The following SMG6 variants were observed in gnomAD, a reference collection of about 807,000 sequenced individuals.
SMG6 encodes SMG6 nonsense mediated mRNA decay factor, also known as telomerase-binding protein EST1A.
SMG6 carries 66 observed loss-of-function variants against 142.2 expected under a neutral mutation model. That is an observed-to-expected ratio of 0.46 (90% confidence interval 0.38 to 0.57). The LOEUF is 0.57. Among genes scored for constraint, SMG6 ranks in the 20% least tolerant of loss-of-function variants. SMG6 has a pLI of 0.00. For synonymous variants in SMG6, 779 were observed against 702.4 expected (o/e 1.11, Z -1.72); for missense variants, 1,793 against 1,832.0 (o/e 0.98, Z 0.39).
At position 2,085,552 on chromosome 17, in the gene SMG6, G is replaced by T. The variant is rs1051102209; in HGVS notation, c.3534+173C>A. ...AGTGGAGTAGGATGGAGGCACCGGG[G>T]TGGACTGGCAGGAAGGGGCACCATC... On this transcript the variant is annotated intron_variant, in intron 14 of 18. Coordinates refer to ENST00000263073, the MANE Select transcript of SMG6 (RefSeq NM_017575.5). The surrounding 1 kb of genome is among the most constrained non-coding windows in gnomAD (Gnocchi z 4.1). Among the ~76,000 whole-genome samples, 4 of 152,178 alleles carry T rather than the reference G, an allele frequency of 2.6e-5. No homozygotes were observed. The highest frequency in any genetic ancestry group is 4.4e-5 in the Non-Finnish European group (3 of 68,038).
rs890556688 is a variant in SMG6, at chr17:2,150,638, C to G, written c.3357+22020G>C. On this transcript the variant is annotated intron_variant, in intron 13 of 18. Transcript: ENST00000263073. ...GCTATGGAAGTGACCAGGTTCAACTCTGATGGCCATCTTGAGATGTTCTTC... is the reference window on the plus strand; with the variant it reads ...GCTATGGAAGTGACCAGGTTCAACTGTGATGGCCATCTTGAGATGTTCTTC... 4.6e-5 allele frequency among the ~76,000 whole-genome samples: 7 copies of G among 152,330 alleles called. No individual in the cohort carries two copies. In the East Asian group the frequency reaches 1.3e-3, roughly 29 times the overall value.
chr17:2,095,236 A>T (rs1376422965), intron 13 of SMG6: 1 of 152,366 alleles, frequency 6.6e-6, no homozygotes, highest in South Asian at 2.1e-4. Context: ...ATCCACACAC[A>T]GTCTGTTTCT....
At chr17:2,112,635 G>A (rs908594212) in intron 13 of SMG6, among the ~76,000 whole-genome samples, 1 of 149,964 alleles carries the variant, frequency 6.7e-6, no homozygotes, top group Non-Finnish European at 1.5e-5. Flanking sequence ...TTTTTTTGGT[G>A]CTTTTTTTTT....
intron 9 of SMG6, among the ~76,000 whole-genome samples, chr17:2,239,234 G>A (rs998357810): frequency 6.6e-6 from 1 of 152,134 alleles, no homozygotes; most frequent in South Asian, 2.1e-4. Flanking sequence ...TTTTTGGAGG[G>A]CACAGAGTTA....
At chr17:2,087,770 C>T (rs1360115056) in intron 13 of SMG6, 4 of 985,842 alleles carry the variant, frequency 4.1e-6, no homozygotes, top group African/African-American at 1.7e-5. Context: ...AATAGCCTGG[C>T]AGGCAGCACG....
intron 6 of SMG6, among the ~76,000 whole-genome samples, chr17:2,286,971 G>A (rs557194926): frequency 3.0e-5 from 4 of 133,082 alleles, no homozygotes; most frequent in South Asian, 2.3e-4. Context: ...TCGCTCTGTC[G>A]CTCAGGCTGG....
rs2068541987 is a variant in SMG6, at chr17:2,085,703, G to T, written c.3534+22C>A. 6.3e-7 allele frequency: 1 copy of T among 1,596,952 alleles called. No individual in the cohort carries two copies. Among genetic ancestry groups the T allele is most frequent in the Non-Finnish European group, 8.5e-7 (1 of 1,171,776 alleles). On this transcript the variant is annotated intron_variant, in intron 14 of 18. Coordinates refer to ENST00000263073, the MANE Select transcript of SMG6 (RefSeq NM_017575.5). This position sits in a 1 kb window ranked among gnomAD's most constrained non-coding sequence, Gnocchi z 4.1. ...GGGAGGGGGCCTTCCCTCTGCCACA[G>T]CGGGCTCTTCCCGCATAGTACCTCA...
At chr17:2,108,124 A>T (rs1567603615) in intron 13 of SMG6, among the ~76,000 whole-genome samples, 2 of 152,132 alleles carry the variant, frequency 1.3e-5, no homozygotes, top group Non-Finnish European at 1.5e-5. Flanking sequence ...GCAACAGCTA[A>T]GTGGGTAGAA....
In SMG6 at chr17:2,162,860, C is replaced by T. The variant is rs193250922; in HGVS notation, c.3357+9798G>A. Among the ~76,000 whole-genome samples, 394 of 152,256 alleles carry T rather than the reference C, an allele frequency of 2.6e-3. 6 individuals carry two copies. Among genetic ancestry groups the T allele is most frequent in the African/African-American group, 8.7e-3 (363 of 41,550 alleles). ...TTCCTCTCTTTTTTTGAGAAAGGGT[C>T]TCCCTCTGTGGCCCAGGCTGGAGTG... On this transcript the variant is annotated intron_variant, in intron 13 of 18. Coordinates refer to ENST00000263073, the MANE Select transcript of SMG6 (RefSeq NM_017575.5).
chr17:2,296,168 T>C (rs1270857169), intron 4 of SMG6, among the ~76,000 whole-genome samples: 1 of 152,218 alleles, frequency 6.6e-6, no homozygotes, highest in Non-Finnish European at 1.5e-5. Flanking sequence ...CTCTTCGGCA[T>C]AGCATATGAG....
chr17:2,156,036 A>ACCTTTTTTTTTTTTTTTTTT (rs2070988786), intron 13 of SMG6, among the ~76,000 whole-genome samples: 1 of 133,916 alleles, frequency 7.5e-6, no homozygotes, highest in African/African-American at 3.0e-5. Context: ...TGTTTTCTTT[A>ACCTTTTTTTTTTTTTTTTTT]CCTTTTTTTT....
At chr17:2,172,373 G>C (rs2071531429) in intron 13 of SMG6, among the ~76,000 whole-genome samples, 2 of 152,068 alleles carry the variant, frequency 1.3e-5, no homozygotes, top group African/African-American at 4.8e-5. Flanking sequence ...TTGGAGCTGA[G>C]TGAGAGCACT....
chr17:2,085,872 T>C lies in SMG6; in HGVS notation c.3387A>G (p.Thr1129=), dbSNP rs768460729. ...GGGCTTCCAGAAAATACTTCAGCAC[T>C]GTGACCCTTTTGCAGTCAGCTGCAA... The part of the protein sequence containing the change: ...KVIAADCKRV[T]VLKYFLEALC... The change falls in exon 14 of 19, where the codon ACA becomes ACG. Residue 1129 remains threonine, a synonymous_variant. Transcript: ENST00000263073. This position sits in a 1 kb window ranked among gnomAD's most constrained non-coding sequence, Gnocchi z 4.1. 1 of 1,614,124 alleles carries C rather than the reference T, an allele frequency of 6.2e-7. No individual in the cohort carries two copies.
At chr17:2,196,686 C>A (rs2072338645) in intron 10 of SMG6, among the ~76,000 whole-genome samples, 1 of 152,104 alleles carries the variant, frequency 6.6e-6, no homozygotes, top group African/African-American at 2.4e-5. Context: ...ACATTTCAAA[C>A]AATTCTGAAA....
chr17:2,232,264 CT>C (rs1452933440), intron 10 of SMG6, among the ~76,000 whole-genome samples: 2 of 152,090 alleles, frequency 1.3e-5, no homozygotes, highest in African/African-American at 4.8e-5. Context: ...TCTTGGAGTA[CT>C]TGTGGTTTAG....
chr17:2,166,131 G>T (rs1203421109), intron 13 of SMG6, among the ~76,000 whole-genome samples: 1 of 152,000 alleles, frequency 6.6e-6, no homozygotes, highest in African/African-American at 2.4e-5. Flanking sequence ...AGAATCACTT[G>T]AACTTGATAG....
At chr17:2,070,580 C>T (rs777354537) in intron 15 of SMG6, among the ~76,000 whole-genome samples, 16 of 152,214 alleles carry the variant, frequency 1.1e-4, no homozygotes, top group Non-Finnish European at 1.9e-4. Context: ...GACAGTAAAA[C>T]TGAAAGGGCA....
chr17:2,093,152 C>T (rs2068768188), intron 13 of SMG6, among the ~76,000 whole-genome samples: 1 of 150,392 alleles, frequency 6.6e-6, no homozygotes, highest in Non-Finnish European at 1.5e-5. Flanking sequence ...TCAGATCGTT[C>T]TATTGCAATC....
At chr17:2,226,598 A>C (rs2073326288) in intron 10 of SMG6, among the ~76,000 whole-genome samples, 1 of 150,232 alleles carries the variant, frequency 6.7e-6, no homozygotes, top group Non-Finnish European at 1.5e-5. Context: ...AAACAAACAA[A>C]CAAAAAAAAA....
Sources: allele counts gnomAD v4.1 joint callset (sites outside exome capture counted in the v4.1 genomes callset), GRCh38; gene constraint gnomAD v4.1.1; non-coding constraint Gnocchi (gnomAD v3.1); transcripts MANE v1.5; gene names NCBI Gene and HGNC (gene_info 2026-07-23, HGNC 2026-07-21).